KCNH8: variants seen among roughly 807,000 people sequenced by gnomAD.
KCNH8 encodes voltage-gated delayed rectifier potassium channel KCNH8.
A neutral mutation model predicts 103.6 loss-of-function variants in KCNH8; 70 were observed. The ratio of observed to expected loss-of-function variants is 0.68; its 90% CI spans 0.56 to 0.82. KCNH8 has a LOEUF of 0.82. Among genes scored for constraint, KCNH8 ranks in the 40% least tolerant of loss-of-function variants. The pLI is 0.00. For synonymous variants in KCNH8, 498 were observed against 489.4 expected (o/e 1.02, Z -0.23); for missense variants, 1,217 against 1,329.9 (o/e 0.92, Z 1.32).
At chr3:19,216,447 A>C (rs2063818987) in intron 1 of KCNH8, among the ~76,000 whole-genome samples, 1 of 152,236 alleles carries the variant, frequency 6.6e-6, no homozygotes, top group Non-Finnish European at 1.5e-5. Flanking sequence ...CTCAGTTATT[A>C]TCAATATCTA....
intron 2 of KCNH8, among the ~76,000 whole-genome samples, chr3:19,273,603 C>T (rs929752779): frequency 4.6e-5 from 7 of 152,136 alleles, no homozygotes; most frequent in Admixed American, 4.6e-4. Flanking sequence ...CTGAAGCTTC[C>T]TAAGAGAGCA....
chr3:19,438,105 G>A (rs1575066944), intron 7 of KCNH8, 59 bp from the exon 8 acceptor site: 2 of 1,293,336 alleles, frequency 1.5e-6, no homozygotes, highest in Non-Finnish European at 2.2e-6. Context: ...TTACTCCCAT[G>A]TGTTAATACT....
chr3:19,479,952 T>C (rs1421412565), intron 11 of KCNH8, among the ~76,000 whole-genome samples: 1 of 152,174 alleles, frequency 6.6e-6, no homozygotes, highest in Non-Finnish European at 1.5e-5. Context: ...GAAGATACCA[T>C]GAATCAGTCA....
intron 1 of KCNH8, among the ~76,000 whole-genome samples, chr3:19,250,695 C>G (rs2064265407): frequency 6.6e-6 from 1 of 152,132 alleles, no homozygotes; most frequent in African/African-American, 2.4e-5. Flanking sequence ...ATTTCAAAGC[C>G]CAGATGTTTG....
rs1219011465 is a variant in KCNH8, at chr3:19,342,232, G to C, written c.443-355G>C. 3.9e-5 allele frequency among the ~76,000 whole-genome samples: 6 copies of C among 152,048 alleles called. No individual in the cohort carries two copies. The East Asian group carries it at 1.2e-3, about 29-fold the overall frequency. On this transcript the variant is annotated intron_variant, in intron 3 of 15. Coordinates refer to ENST00000328405, the MANE Select transcript of KCNH8 (RefSeq NM_144633.3). ...AAATGTGGATATAGGGTACATATTA[G>C]AAATTTTTCTGGAAAGAATGTTTTT...
chr3:19,263,116 TCTTA>T (rs2064459005), intron 2 of KCNH8, among the ~76,000 whole-genome samples: 1 of 152,018 alleles, frequency 6.6e-6, no homozygotes, highest in Non-Finnish European at 1.5e-5. Context: ...AAACTTAGAT[TCTTA>T]CTTCTTTGGA....
chr3:19,418,995 A>T (rs2066903741), intron 7 of KCNH8, among the ~76,000 whole-genome samples: 1 of 152,130 alleles, frequency 6.6e-6, no homozygotes, highest in Admixed American at 6.5e-5. Context: ...CCCATATGAG[A>T]TGTTAACAAA....
chr3:19,328,412 G>A (rs2065460708), intron 3 of KCNH8, among the ~76,000 whole-genome samples: 2 of 152,066 alleles, frequency 1.3e-5, no homozygotes, highest in South Asian at 4.1e-4. Context: ...TATGCTCCAT[G>A]ATGAATTTGG....
chr3:19,292,961 C>T (rs2064949049), intron 3 of KCNH8, among the ~76,000 whole-genome samples: 2 of 152,070 alleles, frequency 1.3e-5, no homozygotes, highest in African/African-American at 4.8e-5. Flanking sequence ...CAAGGAATGC[C>T]AATAAATCAA....
chr3:19,509,971 A>C (rs1455255534), intron 11 of KCNH8, among the ~76,000 whole-genome samples: 1 of 148,482 alleles, frequency 6.7e-6, no homozygotes, highest in Non-Finnish European at 1.5e-5. Flanking sequence ...ATTTAGCAAA[A>C]TAGCAAGAAA....
chr3:19,516,355 C>T (rs1343729713), intron 14 of KCNH8, among the ~76,000 whole-genome samples: 2 of 152,036 alleles, frequency 1.3e-5, no homozygotes, highest in Non-Finnish European at 2.9e-5. Flanking sequence ...CACTCATCAT[C>T]TTCTTGGGAA....
intron 11 of KCNH8, among the ~76,000 whole-genome samples, chr3:19,480,125 A>T (rs961960469): frequency 2.6e-5 from 4 of 152,182 alleles, no homozygotes; most frequent in African/African-American, 9.7e-5. Context: ...CCACGTAAAC[A>T]ATGCAAATAG....
Position 19,258,085 on chromosome 3 carries a change from C to T in KCNH8, c.310+4198C>T, listed in dbSNP as rs556482117. Among the ~76,000 whole-genome samples the T allele has an allele frequency of 7.9e-5, 12 of 152,092 alleles. No homozygotes were observed. In the South Asian group the frequency reaches 1.5e-3, roughly 18 times the overall value. ...GATTTGGTCCTACTCTAATGACCTCCTTTTAACTTGATTACCTCTGTAAAG... is the reference window on the plus strand; with the variant it reads ...GATTTGGTCCTACTCTAATGACCTCTTTTTAACTTGATTACCTCTGTAAAG... On this transcript the variant is annotated intron_variant, in intron 2 of 15. Coordinates refer to ENST00000328405, the MANE Select transcript of KCNH8 (RefSeq NM_144633.3).
At position 19,390,651 on chromosome 3, in the gene KCNH8, C is replaced by A. The variant is rs535289420; in HGVS notation, c.969+13C>A. ...CAACGTCACAGTGGTGAGTAAAGAG[C>A]TCCCCGCCACATGGCCTTTAAGGTT... On this transcript the variant is annotated intron_variant, in intron 6 of 15. Coordinates refer to ENST00000328405, the MANE Select transcript of KCNH8 (RefSeq NM_144633.3). 5.6e-6 allele frequency: 9 copies of A among 1,604,570 alleles called. No individual in the cohort carries two copies. Among genetic ancestry groups the A allele is most frequent in the Non-Finnish European group, 7.7e-6 (9 of 1,176,166 alleles).
intron 1 of KCNH8, among the ~76,000 whole-genome samples, chr3:19,190,703 C>G (rs1381015116): frequency 6.6e-6 from 1 of 151,828 alleles, no homozygotes; most frequent in African/African-American, 2.4e-5. Flanking sequence ...ACTGAAGCAA[C>G]AAGTGCGATT....
intron 7 of KCNH8, among the ~76,000 whole-genome samples, chr3:19,412,927 T>C (rs370830438): frequency 6.6e-6 from 1 of 152,012 alleles, no homozygotes; most frequent in Non-Finnish European, 1.5e-5. Flanking sequence ...CAATGTAAAC[T>C]AGCTTAGCCA....
chr3:19,300,231 A>G (rs1559466286), intron 3 of KCNH8, among the ~76,000 whole-genome samples: 1 of 151,510 alleles, frequency 6.6e-6, no homozygotes, highest in Admixed American at 6.6e-5. Flanking sequence ...CCTGGGTGAC[A>G]TAGCAAGACT....
rs140937368 is a variant in KCNH8 at position 19,256,761 on chromosome 3, C to G, written c.310+2874C>G. Among the ~76,000 whole-genome samples, 678 of 152,178 alleles carry G rather than the reference C, an allele frequency of 4.5e-3. 1 individual carries two copies. The highest frequency in any genetic ancestry group is 5.3e-3 in the Non-Finnish European group (361 of 67,974). Reference sequence around the variant, plus strand: ...TGAGCTCAGTTTTTTAATCAGATGTCTCTGCAGCCTTAGACACACTTGGGT... The same window carrying G: ...TGAGCTCAGTTTTTTAATCAGATGTGTCTGCAGCCTTAGACACACTTGGGT... On this transcript the variant is annotated intron_variant, in intron 2 of 15. Coordinates refer to ENST00000328405, the MANE Select transcript of KCNH8 (RefSeq NM_144633.3).
intron 1 of KCNH8, among the ~76,000 whole-genome samples, chr3:19,211,849 A>C (rs2063774806): frequency 6.6e-6 from 1 of 152,142 alleles, no homozygotes; most frequent in Non-Finnish European, 1.5e-5. Context: ...TTTAAGGAAA[A>C]CCTTAGGCAA....
Sources: allele counts gnomAD v4.1 joint callset (sites outside exome capture counted in the v4.1 genomes callset), GRCh38; gene constraint gnomAD v4.1.1; transcripts MANE v1.5; gene names NCBI Gene and HGNC (gene_info 2026-07-23, HGNC 2026-07-21).